Variants in RPS6KA5 observed in about 807,000 individuals in gnomAD.
RPS6KA5 encodes the protein ribosomal protein S6 kinase alpha-5.
A neutral mutation model predicts 85.5 loss-of-function variants in RPS6KA5; 27 were observed. The observed-to-expected ratio is 0.32, with a 90% CI of 0.23 to 0.44. The LOEUF (loss-of-function observed/expected upper bound fraction) is 0.44, where lower values mean the gene tolerates loss of function less well. Among genes scored for constraint, RPS6KA5 ranks in the 20% least tolerant of loss-of-function variants. The pLI, the probability that RPS6KA5 is intolerant of heterozygous loss-of-function variation, is 1.00. For synonymous variants in RPS6KA5, 334 were observed against 348.2 expected (o/e 0.96, Z 0.46); for missense variants, 811 against 980.9 (o/e 0.83, Z 2.31).
intron 1 of RPS6KA5, among the ~76,000 whole-genome samples, chr14:91,019,607 CAT>C (rs1203584117): frequency 1.3e-5 from 2 of 152,170 alleles, no homozygotes; most frequent in Non-Finnish European, 2.9e-5. Context: ...TACACACACA[CAT>C]AGTCCTTTAC....
At chr14:90,976,605 T>C (rs141246628) in intron 3 of RPS6KA5, among the ~76,000 whole-genome samples, 127 of 152,266 alleles carry the variant, frequency 8.3e-4, no homozygotes, top group African/African-American at 2.9e-3. Context: ...AACAGTCTTG[T>C]TGTTCATGTG....
chr14:91,059,693 T>A (rs1316570156), intron 1 of RPS6KA5, among the ~76,000 whole-genome samples: 1 of 152,190 alleles, frequency 6.6e-6, no homozygotes, highest in Non-Finnish European at 1.5e-5. Context: ...AAAGCCATCA[T>A]CTCCAGGGAC....
At chr14:90,909,824 G>A (rs867726024) in intron 7 of RPS6KA5, among the ~76,000 whole-genome samples, 1 of 152,068 alleles carries the variant, frequency 6.6e-6, no homozygotes, top group African/African-American at 2.4e-5. Context: ...ATGGATTCTC[G>A]CTCTGTTGCC....
intron 14 of RPS6KA5, among the ~76,000 whole-genome samples, chr14:90,883,943 T>C (rs1379724855): frequency 6.6e-6 from 1 of 152,194 alleles, no homozygotes; most frequent in Non-Finnish European, 1.5e-5. Flanking sequence ...ATTTTCCCTG[T>C]ATAAGCAGTT....
At position 91,045,345 on chromosome 14, in the gene RPS6KA5, A is replaced by G. The variant is rs555373406; in HGVS notation, c.103+14987T>C. Reference sequence around the variant, plus strand: ...AACGGCGTGATCTTGGCTCACTGCAACCTCTGTGTCCCAGGTTCAAGCAAT... The same window carrying G: ...AACGGCGTGATCTTGGCTCACTGCAGCCTCTGTGTCCCAGGTTCAAGCAAT... On this transcript the variant is annotated intron_variant, in intron 1 of 16. Coordinates refer to ENST00000614987, the MANE Select transcript of RPS6KA5 (RefSeq NM_004755.4). 6.6e-5 allele frequency among the ~76,000 whole-genome samples: 10 copies of G among 151,404 alleles called. No homozygotes were observed. In the South Asian group the frequency reaches 2.1e-3, roughly 32 times the overall value.
At position 90,854,003 on chromosome 14, in the gene RPS6KA5, T is replaced by C. The variant is rs1298613153; in HGVS notation, c.*18071A>G. 3.3e-5 allele frequency: 5 copies of C among 152,196 alleles called. No homozygotes were observed. Among genetic ancestry groups the C allele is most frequent in the Admixed American group, 2.0e-4 (3 of 15,276 alleles). 9.4% of individuals were successfully genotyped at this position (152,196 alleles called of 1,614,324 possible). Reference sequence around the variant, plus strand: ...AGGAGTGAGGGGCAGTCTTATTAATTTGGTATTGTAAGCCCCCAATACATG... The same window carrying C: ...AGGAGTGAGGGGCAGTCTTATTAATCTGGTATTGTAAGCCCCCAATACATG... On this transcript the variant is annotated 3_prime_UTR_variant, in exon 17 of 17. Coordinates refer to ENST00000614987, the MANE Select transcript of RPS6KA5 (RefSeq NM_004755.4).
At chr14:90,963,764 C>T (rs2038923790) in intron 3 of RPS6KA5, among the ~76,000 whole-genome samples, 1 of 152,134 alleles carries the variant, frequency 6.6e-6, no homozygotes, top group Non-Finnish European at 1.5e-5. Context: ...AGGCGACTTG[C>T]CTAGGATCCT....
chr14:91,054,720 G>A, intron 1 of RPS6KA5, among the ~76,000 whole-genome samples: 1 of 151,962 alleles, frequency 6.6e-6, no homozygotes, highest in East Asian at 1.9e-4. Flanking sequence ...GGAGGCCGAG[G>A]AGGGAGAATC....
intron 1 of RPS6KA5, among the ~76,000 whole-genome samples, chr14:91,035,142 C>T (rs2139858567): frequency 6.6e-6 from 1 of 151,722 alleles, no homozygotes; most frequent in South Asian, 2.1e-4. Flanking sequence ...TAAAAGTACA[C>T]AGAAACTTCT....
chr14:90,945,568 C>G (rs1197338065), intron 4 of RPS6KA5, among the ~76,000 whole-genome samples: 1 of 152,126 alleles, frequency 6.6e-6, no homozygotes, highest in Non-Finnish European at 1.5e-5. Context: ...TTATATTTAT[C>G]TGTATCTTTT....
rs552644499 is a variant in RPS6KA5 at position 91,040,404 on chromosome 14, G to A, written c.103+19928C>T. ...GCCTGGGCAACAAGAGCGAAAGTCC[G>A]CCTCTTAAATTAAATTAAATTGAAT... On this transcript the variant is annotated intron_variant, in intron 1 of 16. Transcript: ENST00000614987. 1.3e-4 allele frequency among the ~76,000 whole-genome samples: 20 copies of A among 152,150 alleles called. No individual in the cohort carries two copies. The South Asian group carries it at 1.9e-3, about 14-fold the overall frequency.
intron 7 of RPS6KA5, among the ~76,000 whole-genome samples, chr14:90,913,680 C>T (rs773618560): frequency 6.6e-6 from 1 of 152,102 alleles, no homozygotes; most frequent in African/African-American, 2.4e-5. Context: ...TTTTCTGTAG[C>T]CCACACAATG....
intron 1 of RPS6KA5, among the ~76,000 whole-genome samples, chr14:91,026,496 TTGGGATTACAGGCA>T (rs1429401621): frequency 6.6e-6 from 1 of 152,158 alleles, no homozygotes; most frequent in African/African-American, 2.4e-5. Context: ...CTCCCAAATG[TTGGGATTACAGGCA>T]TGAGCCACCA....
chr14:90,951,211 C>CGGT (rs1595309524), intron 3 of RPS6KA5, among the ~76,000 whole-genome samples: 2 of 150,280 alleles, frequency 1.3e-5, no homozygotes, highest in East Asian at 4.0e-4. Flanking sequence ...AGGCTGGGCG[C>CGGT]GGTGGCTCAC....
At position 90,860,234 on chromosome 14, in the gene RPS6KA5, T is replaced by C. The variant is rs965761753; in HGVS notation, c.*11840A>G. On this transcript the variant is annotated 3_prime_UTR_variant, in exon 17 of 17. Transcript: ENST00000614987. Reference sequence around the variant, plus strand: ...GAACTTAAGGATTGGAATGATATCTTGAAAATGGTGAACCTAGGCTGGGCG... The same window carrying C: ...GAACTTAAGGATTGGAATGATATCTCGAAAATGGTGAACCTAGGCTGGGCG... The C allele has an allele frequency of 7.2e-5, 11 of 152,174 alleles. No homozygotes were observed. Among genetic ancestry groups the C allele is most frequent in the Admixed American group, 2.0e-4 (3 of 15,276 alleles). 9.4% of individuals were successfully genotyped at this position (152,174 alleles called of 1,614,324 possible).
intron 1 of RPS6KA5, among the ~76,000 whole-genome samples, chr14:91,015,912 C>T (rs2041470787): frequency 6.6e-6 from 1 of 152,206 alleles, no homozygotes; most frequent in Admixed American, 6.5e-5. Context: ...CTTGTCCCAG[C>T]CTTCATTCAG....
rs1020048945 is a variant in RPS6KA5 at position 90,852,918 on chromosome 14, A to T, written c.*19156T>A. On this transcript the variant is annotated 3_prime_UTR_variant, in exon 17 of 17. Transcript: ENST00000614987. Reference sequence around the variant, plus strand: ...CTAATTTTTGTTGTATTTTTAGTAGAGACAGGGTTTCACCATGTTAGCCAG... The same window carrying T: ...CTAATTTTTGTTGTATTTTTAGTAGTGACAGGGTTTCACCATGTTAGCCAG... The T allele has an allele frequency of 6.6e-6, 1 of 152,004 alleles. No homozygotes were observed. Among genetic ancestry groups the T allele is most frequent in the African/African-American group, 2.4e-5 (1 of 41,290 alleles). The allele number at this position is 152,004 out of a possible 1,614,324, so 9.4% of individuals were successfully genotyped here.
chr14:90,928,420 CAAAG>C (rs145746075), intron 5 of RPS6KA5, among the ~76,000 whole-genome samples: 2,906 of 151,690 alleles, frequency 0.019, 72 homozygotes, highest in African/African-American at 0.053. Flanking sequence ...TAAACCTCAT[CAAAG>C]AAAGAGAAGA....
chr14:90,874,803 A>G (rs2033343021), intron 15 of RPS6KA5, among the ~76,000 whole-genome samples: 2 of 150,188 alleles, frequency 1.3e-5, no homozygotes, highest in South Asian at 2.1e-4. Context: ...GAACTCTGTG[A>G]CTGGCTGCAG....
Sources: allele counts gnomAD v4.1 joint callset (sites outside exome capture counted in the v4.1 genomes callset), GRCh38; gene constraint gnomAD v4.1.1; transcripts MANE v1.5; gene names NCBI Gene and HGNC (gene_info 2026-07-23, HGNC 2026-07-21).